ADTRP: variants seen among roughly 807,000 people sequenced by gnomAD.
ADTRP encodes the protein androgen-dependent TFPI-regulating protein.
A neutral mutation model predicts 27.0 loss-of-function variants in ADTRP; 20 were observed. The ratio of observed to expected loss-of-function variants is 0.74; its 90% CI spans 0.52 to 1.08. The LOEUF (loss-of-function observed/expected upper bound fraction) is 1.08, where lower values mean the gene tolerates loss of function less well. Ranked by LOEUF, ADTRP falls within the 50% of genes least tolerant of loss-of-function variation. The probability of loss-of-function intolerance (pLI) is 0.00; values close to 1 mark genes in which losing one functional copy is unlikely to be tolerated. For synonymous variants in ADTRP, 101 were observed against 105.2 expected, an observed-to-expected ratio of 0.96 and a Z score of 0.25; for missense variants, 251 against 275.0, an observed-to-expected ratio of 0.91 and a Z score of 0.62.
intron 3 of ADTRP, among the ~76,000 whole-genome samples, chr6:11,759,476 A>G (rs1285273270): frequency 6.6e-6 from 1 of 152,044 alleles, no homozygotes; most frequent in Non-Finnish European, 1.5e-5. Flanking sequence ...TACTTTTTCT[A>G]TTGATAGGTA....
intron 3 of ADTRP, among the ~76,000 whole-genome samples, chr6:11,764,638 A>G (rs1763496322): frequency 6.6e-6 from 1 of 152,108 alleles, no homozygotes; most frequent in Admixed American, 6.6e-5. Flanking sequence ...AAACAAAACC[A>G]GATCGAATCA....
In ADTRP at chr6:11,735,808, C is replaced by T. The variant is rs1194473126; in HGVS notation, c.391-125G>A. 47 of 677,060 alleles carry T rather than the reference C, an allele frequency of 6.9e-5. No individual in the cohort carries two copies. The East Asian group carries it at 1.3e-3, about 18-fold the overall frequency. 41.9% of individuals were successfully genotyped at this position (677,060 alleles called of 1,614,324 possible). On this transcript the variant is annotated intron_variant, in intron 3 of 5. Coordinates refer to ENST00000414691, the MANE Select transcript of ADTRP (RefSeq NM_032744.4). The stretch of plus-strand genomic sequence containing the variant: ...GCTAGATGAAGCTTTCCAGGTCATG[C>T]TCCCTAGATGCCCAAGGACCTACCG...
chr6:11,766,336 G>C lies in ADTRP; in HGVS notation c.328C>G (p.Arg110Gly), dbSNP rs760353796. Reference sequence around the variant, plus strand: ...AGGACCTTGGGGTAAATGAGATCTCGATTGTAGAGAAAGAGGATCCAGAAT... The same window carrying C: ...AGGACCTTGGGGTAAATGAGATCTCCATTGTAGAGAAAGAGGATCCAGAAT... ...LAFWILFLYNRDLIYPKVLDT... is the reference protein window; with the variant it reads ...LAFWILFLYNGDLIYPKVLDT... Residue 110 changes from arginine (R) to glycine (G), a missense_variant, in exon 3 of 6, where the codon CGA becomes GGA. Transcript: ENST00000414691. 1 of 1,612,622 alleles carries C rather than the reference G, an allele frequency of 6.2e-7. No individual in the cohort carries two copies. Among genetic ancestry groups the C allele is most frequent in the Non-Finnish European group, 8.5e-7 (1 of 1,179,314 alleles).
rs1053204116 is a variant in ADTRP, at chr6:11,729,500, C to G, written c.507-6000G>C. On this transcript the variant is annotated intron_variant, in intron 4 of 5. Transcript: ENST00000414691. ...TTGCTGCTCCTTCCCCCTCCTGTCC[C>G]TGAGAGGAGGGCCTTTCCCTGGTGT... Among the ~76,000 whole-genome samples, 20 of 152,132 alleles carry G rather than the reference C, an allele frequency of 1.3e-4. No homozygotes were observed. In the East Asian group the frequency reaches 1.3e-3, roughly 10 times the overall value.
chr6:11,778,413 A>G (rs1367239627), intron 1 of ADTRP, among the ~76,000 whole-genome samples, 194 bp downstream of exon 1: 1 of 152,196 alleles, frequency 6.6e-6, no homozygotes, highest in Non-Finnish European at 1.5e-5. Flanking sequence ...AGAAATGTTA[A>G]CTATAGATAA....
At chr6:11,776,344 T>C (rs931790111) in intron 1 of ADTRP, among the ~76,000 whole-genome samples, 8 of 152,208 alleles carry the variant, frequency 5.3e-5, no homozygotes, top group African/African-American at 1.9e-4. Flanking sequence ...AGCTTTTTAA[T>C]ATCTGGGTAT....
At chr6:11,769,722 A>G (rs1181282545) in intron 1 of ADTRP, among the ~76,000 whole-genome samples, 1 of 151,894 alleles carries the variant, frequency 6.6e-6, no homozygotes, top group Non-Finnish European at 1.5e-5. Flanking sequence ...AATGTAAAAT[A>G]AAAGTTAAAA....
At chr6:11,748,956 C>T (rs751621428) in intron 3 of ADTRP, among the ~76,000 whole-genome samples, 74 of 152,160 alleles carry the variant, frequency 4.9e-4, no homozygotes, top group Non-Finnish European at 9.3e-4. Context: ...CCAAGTGAAG[C>T]GGGAAGCCAC....
intron 3 of ADTRP, among the ~76,000 whole-genome samples, chr6:11,740,533 A>C (rs1005813513): frequency 6.6e-6 from 1 of 152,248 alleles, no homozygotes; most frequent in Non-Finnish European, 1.5e-5. Flanking sequence ...CATCATATCC[A>C]GGCTTATTAT....
intron 3 of ADTRP, 43 bp downstream of exon 3, chr6:11,766,231 G>C: frequency 6.9e-7 from 1 of 1,447,816 alleles, no homozygotes; most frequent in Non-Finnish European, 9.6e-7. Flanking sequence ...TCAGTACAGA[G>C]GCTATTGGTG....
intron 3 of ADTRP, among the ~76,000 whole-genome samples, chr6:11,760,987 A>G (rs1763374609): frequency 6.6e-6 from 1 of 152,168 alleles, no homozygotes; most frequent in Non-Finnish European, 1.5e-5. Flanking sequence ...ATGAGGCATA[A>G]TCTGAACCCT....
chr6:11,770,161 A>G, intron 1 of ADTRP: 1 of 1,343,800 alleles, frequency 7.4e-7, no homozygotes, highest in Non-Finnish European at 1.0e-6. Flanking sequence ...AGGTCAGAAG[A>G]GAGACAATTA....
At chr6:11,767,909 C>T (rs1369712122) in intron 2 of ADTRP, 2 of 216,614 alleles carry the variant, frequency 9.2e-6, no homozygotes, top group Non-Finnish European at 9.0e-6. Flanking sequence ...TCGTCATCTC[C>T]CTCCCCAGGG....
chr6:11,777,002 G>C (rs556597434), intron 1 of ADTRP, among the ~76,000 whole-genome samples: 1 of 152,302 alleles, frequency 6.6e-6, no homozygotes, highest in South Asian at 2.1e-4. Flanking sequence ...AGATGATATG[G>C]TCATCCAGGT....
intron 3 of ADTRP, among the ~76,000 whole-genome samples, chr6:11,744,022 G>T (rs758008034): frequency 9.2e-5 from 14 of 152,352 alleles, no homozygotes; most frequent in Non-Finnish European, 2.1e-4. Flanking sequence ...CATTGTTAAA[G>T]ATGGGGCCCA....
chr6:11,737,021 T>A (rs1762575425), intron 3 of ADTRP, among the ~76,000 whole-genome samples: 1 of 152,088 alleles, frequency 6.6e-6, no homozygotes, highest in Non-Finnish European at 1.5e-5. Flanking sequence ...AATGACATAA[T>A]CAAGGAAATA....
At chr6:11,721,482 C>A (rs1762023098) in intron 5 of ADTRP, among the ~76,000 whole-genome samples, 1 of 152,206 alleles carries the variant, frequency 6.6e-6, no homozygotes, top group Admixed American at 6.5e-5. Context: ...GTGTTCACTG[C>A]ATTGCAACTT....
At chr6:11,745,754 A>T (rs1481835139) in intron 3 of ADTRP, among the ~76,000 whole-genome samples, 1 of 152,136 alleles carries the variant, frequency 6.6e-6, no homozygotes, top group Non-Finnish European at 1.5e-5. Flanking sequence ...ATATAACTAC[A>T]TGTGAGAGGT....
chr6:11,774,745 C>G (rs1234604388), intron 1 of ADTRP, among the ~76,000 whole-genome samples: 1 of 152,156 alleles, frequency 6.6e-6, no homozygotes, highest in Non-Finnish European at 1.5e-5. Context: ...AGAGGAAACC[C>G]TAATAAACTG....
Sources: gnomAD v4.1 joint callset for allele counts (sites outside exome capture counted in the v4.1 genomes callset) on GRCh38, gnomAD v4.1.1 for gene constraint, MANE v1.5 for transcripts, NCBI Gene and HGNC (gene_info 2026-07-23, HGNC 2026-07-21) for gene names.